Variants in SMCO2 observed in about 807,000 individuals in gnomAD.
SMCO2 encodes single-pass membrane and coiled-coil domain-containing protein 2.
A neutral mutation model predicts 29.5 loss-of-function variants in SMCO2; 25 were observed. The ratio of observed to expected loss-of-function variants is 0.85; its 90% CI spans 0.62 to 1.18. SMCO2 has a LOEUF of 1.18. SMCO2 is among the 50% of genes most tolerant of loss of function. The pLI is 0.00. For synonymous variants in SMCO2, 117 were observed against 123.3 expected (o/e 0.95, Z 0.34); for missense variants, 348 against 344.5 (o/e 1.01, Z -0.08).
the SMCO2 span, among the ~76,000 whole-genome samples, chr12:27,447,316 G>A: frequency 6.6e-6 from 1 of 152,026 alleles, no homozygotes; most frequent in Non-Finnish European, 1.5e-5. Flanking sequence ...TTCTCCATAA[G>A]GCTTTGCCCA....
chr12:27,488,310 G>A, intron 4 of SMCO2, 150 bp from the exon 6 acceptor site: 1 of 450,048 alleles, frequency 2.2e-6, no homozygotes. Context: ...TTACTTTTTT[G>A]AATTTCATTT....
chr12:27,495,446 G>T (rs1306481653), intron 6 of SMCO2, among the ~76,000 whole-genome samples: 1 of 150,516 alleles, frequency 6.6e-6, no homozygotes, highest in Non-Finnish European at 1.5e-5. Context: ...AGTGGTTAAA[G>T]ATTAGCATGT....
At chr12:27,469,031 C>T (rs1949520464) in intron 1 of SMCO2, among the ~76,000 whole-genome samples, 1 of 152,092 alleles carries the variant, frequency 6.6e-6, no homozygotes, top group Non-Finnish European at 1.5e-5. Context: ...TGAAATCACT[C>T]TTGGGGGAGA....
At chr12:27,426,512 C>T in the SMCO2 span, among the ~76,000 whole-genome samples, 23 of 152,286 alleles carry the variant, frequency 1.5e-4, no homozygotes, top group African/African-American at 5.1e-4. Context: ...TTTGTAAATA[C>T]CCTTGCAGAG....
chr12:27,476,114 A>G (rs1423910471), intron 4 of SMCO2, among the ~76,000 whole-genome samples: 2 of 152,090 alleles, frequency 1.3e-5, no homozygotes, highest in Admixed American at 1.3e-4. Flanking sequence ...TTCTTCCTTG[A>G]CCCAATGGTC....
intron 7 of SMCO2, among the ~76,000 whole-genome samples, chr12:27,501,434 A>AAC (rs1943076129): frequency 3.8e-5 from 5 of 133,276 alleles, no homozygotes; most frequent in African/African-American, 1.6e-4. Flanking sequence ...AAAAAAAAAA[A>AAC]AAACAAACAA....
chr12:27,480,210 C>T (rs1340337110), intron 4 of SMCO2, among the ~76,000 whole-genome samples: 2 of 152,240 alleles, frequency 1.3e-5, no homozygotes, highest in Non-Finnish European at 1.5e-5. Context: ...GCTGCTTCTT[C>T]CCCTTTTCTG....
chr12:27,464,618 G>A, upstream of SMCO2, among the ~76,000 whole-genome samples: 1 of 150,824 alleles, frequency 6.6e-6, no homozygotes. Flanking sequence ...TCGGGAGGCT[G>A]AGGTGGGAAG....
At chr12:27,445,354 A>AT in the SMCO2 span, among the ~76,000 whole-genome samples, 7 of 152,052 alleles carry the variant, frequency 4.6e-5, no homozygotes, top group African/African-American at 1.4e-4. Flanking sequence ...TAAACCATGA[A>AT]TTTTTTTTAG....
chr12:27,433,542 C>CAT, the SMCO2 span, among the ~76,000 whole-genome samples: 8,641 of 132,564 alleles, frequency 0.065, 392 homozygotes, highest in Non-Finnish European at 0.094. Context: ...CACACACACA[C>CAT]ATATATCATA....
chr12:27,496,957 C>T (rs1422491641), intron 7 of SMCO2: 1 of 151,958 alleles, frequency 6.6e-6, no homozygotes, highest in Non-Finnish European at 1.5e-5. Context: ...GTGCAGGCCA[C>T]CTCATGTTGA....
chr12:27,493,338 T>TA (rs902919066), intron 5 of SMCO2, among the ~76,000 whole-genome samples: 53 of 150,152 alleles, frequency 3.5e-4, no homozygotes, highest in African/African-American at 8.1e-4. Flanking sequence ...AAATAAAAGT[T>TA]AAAAAAAAAG....
chr12:27,455,891 A>C, the SMCO2 span, among the ~76,000 whole-genome samples: 2 of 152,270 alleles, frequency 1.3e-5, no homozygotes, highest in East Asian at 3.8e-4. Context: ...AACATGTAGC[A>C]TGATCACAGC....
chr12:27,484,940 A>G (rs1949676342), intron 4 of SMCO2, among the ~76,000 whole-genome samples: 1 of 144,920 alleles, frequency 6.9e-6, no homozygotes, highest in South Asian at 2.2e-4. Context: ...AGTTTTCTTA[A>G]TTTTTCTTTT....
the SMCO2 span, among the ~76,000 whole-genome samples, chr12:27,449,919 G>T: frequency 1.3e-5 from 2 of 152,184 alleles, no homozygotes; most frequent in African/African-American, 4.8e-5. Flanking sequence ...CTGTAGGACT[G>T]TTGAAAGACT....
chr12:27,434,903 G>A, the SMCO2 span, among the ~76,000 whole-genome samples: 6 of 152,064 alleles, frequency 3.9e-5, no homozygotes, highest in Non-Finnish European at 8.8e-5. Flanking sequence ...TACACGAGGC[G>A]GCACCTGCTA....
the SMCO2 span, among the ~76,000 whole-genome samples, chr12:27,430,757 C>G: frequency 7.9e-5 from 12 of 152,078 alleles, no homozygotes; most frequent in African/African-American, 2.9e-4. Flanking sequence ...TCCTAAGAAT[C>G]CTGAAGATAA....
At chr12:27,469,189 C>A (rs1949521589) in intron 1 of SMCO2, among the ~76,000 whole-genome samples, 1 of 152,106 alleles carries the variant, frequency 6.6e-6, no homozygotes. Flanking sequence ...ATGCTTAACA[C>A]CCTCAGGAAA....
At chr12:27,436,901 C>G in the SMCO2 span, among the ~76,000 whole-genome samples, 1 of 152,194 alleles carries the variant, frequency 6.6e-6, no homozygotes, top group African/African-American at 2.4e-5. Flanking sequence ...GACTTTTTCA[C>G]TCTCTTCAAA....
Sources: allele counts gnomAD v4.1 joint callset (sites outside exome capture counted in the v4.1 genomes callset), GRCh38; gene constraint gnomAD v4.1.1; transcripts MANE v1.5; gene names NCBI Gene and HGNC (gene_info 2026-07-23, HGNC 2026-07-21).